The following DCDC1 variants were observed in gnomAD, a reference collection of about 807,000 sequenced individuals.
The protein encoded by DCDC1 is doublecortin domain containing 1, also known as doublecortin domain-containing protein 1.
Under a neutral mutation model 178.3 loss-of-function variants are expected in DCDC1, and 200 were observed. The ratio of observed to expected loss-of-function variants is 1.12; its 90% CI spans 1.00 to 1.26. The LOEUF (loss-of-function observed/expected upper bound fraction) is 1.26. Among genes scored for constraint, DCDC1 ranks in the 50% most tolerant of loss-of-function variants. The pLI, the probability that DCDC1 is intolerant of heterozygous loss-of-function variation, is 0.00. For synonymous variants in DCDC1, 690 were observed against 604.8 expected, an observed-to-expected ratio of 1.14 and a Z score of -2.07; for missense variants, 1,983 against 1,749.2, an observed-to-expected ratio of 1.13 and a Z score of -2.38.
chr11:31,241,645 C>A (rs950020520), intron 8 of DCDC1, 29 bp from the exon 9 acceptor site: 10 of 396,324 alleles, frequency 2.5e-5, no homozygotes, highest in African/African-American at 1.4e-4. Context: ...GAAAAAAATT[C>A]TTTTGACCCA....
rs745791630 is a variant in DCDC1, at chr11:31,094,143, T to C, written c.2025A>G (p.Gly675=). ...CTTCACTGCCTGAGAAACTCCACTT[T>C]CCAATGGAAACAGAGGCATGAAGGA... is the stretch of plus-strand genomic sequence containing the variant. The part of the protein sequence containing the change: ...NIVLHASVSI[G]KWSFSGSEAS... Residue 675 remains glycine, a synonymous_variant, in exon 16 of 39, where the codon GGA becomes GGG. Coordinates refer to ENST00000684477, the MANE Select transcript of DCDC1 (RefSeq NM_001387274.1). 9.1e-6 allele frequency: 7 copies of C among 766,082 alleles called. No homozygotes were observed. Among genetic ancestry groups the C allele is most frequent in the African/African-American group, 1.7e-5 (1 of 59,080 alleles). 47.5% of individuals were successfully genotyped at this position (766,082 alleles called of 1,614,324 possible).
chr11:30,942,069 C>A (rs1162298483), intron 21 of DCDC1, among the ~76,000 whole-genome samples: 1 of 152,074 alleles, frequency 6.6e-6, no homozygotes, highest in Non-Finnish European at 1.5e-5. Flanking sequence ...AAACTTTCAC[C>A]AGTACAGAAA....
intron 9 of DCDC1, among the ~76,000 whole-genome samples, chr11:31,240,330 T>C (rs1976960445): frequency 3.3e-5 from 5 of 152,074 alleles, no homozygotes; most frequent in Admixed American, 2.6e-4. Flanking sequence ...TTATGAATAG[T>C]CTTATCTATG....
chr11:31,262,499 T>C (rs1187394242), intron 8 of DCDC1: 2 of 152,154 alleles, frequency 1.3e-5, no homozygotes, highest in Non-Finnish European at 2.9e-5. Context: ...TTGCTTTTAG[T>C]CCTTGGTACA....
intron 1 of DCDC1, among the ~76,000 whole-genome samples, chr11:31,350,292 T>C (rs988282412): frequency 1.3e-5 from 2 of 152,136 alleles, no homozygotes; most frequent in Non-Finnish European, 2.9e-5. Context: ...TTTTTAAAAA[T>C]TATATCAATA....
At chr11:30,954,479 A>G (rs1249007011) in intron 20 of DCDC1, among the ~76,000 whole-genome samples, 4 of 152,212 alleles carry the variant, frequency 2.6e-5, no homozygotes, top group African/African-American at 9.6e-5. Context: ...ACAGAAAACT[A>G]GTTAATTCAT....
rs1174624701 is a variant in DCDC1 at position 31,294,831 on chromosome 11, AAAGAAAGAAAGAAAGAAAG to A, written c.755-3998_755-3980del. 8.1e-5 allele frequency among the ~76,000 whole-genome samples: 12 copies of A among 147,656 alleles called. No individual in the cohort carries two copies. The South Asian group carries it at 2.3e-3, about 29-fold the overall frequency. ...GAAAGAAAGAAAGAAAGAAAGAAAGAAAGAAAGAAAGAAAGAAAGAAAGAAAGAAAGAAAGAAAAAGAAA... is the reference window on the plus strand; with the variant it reads ...GAAAGAAAGAAAGAAAGAAAGAAAGAAAAGAAAGAAAGAAAGAAAAAGAAA... On this transcript the variant is annotated intron_variant, in intron 6 of 38. Coordinates refer to ENST00000684477, the MANE Select transcript of DCDC1 (RefSeq NM_001387274.1).
intron 38 of DCDC1, among the ~76,000 whole-genome samples, chr11:30,866,037 G>A (rs1469400396): frequency 6.6e-6 from 1 of 152,032 alleles, no homozygotes; most frequent in Non-Finnish European, 1.5e-5. Context: ...GATGTAATTA[G>A]GTAAGATGAA....
chr11:31,340,336 G>C (rs1354367299), intron 1 of DCDC1, among the ~76,000 whole-genome samples: 1 of 152,160 alleles, frequency 6.6e-6, no homozygotes, highest in Non-Finnish European at 1.5e-5. Context: ...GTGGTTCTGA[G>C]AGAGAGGAGG....
chr11:31,122,598 A>T (rs2135899373), intron 11 of DCDC1, among the ~76,000 whole-genome samples: 1 of 152,240 alleles, frequency 6.6e-6, no homozygotes, highest in African/African-American at 2.4e-5. Flanking sequence ...CACTCTCAAG[A>T]GTGGTTTCAC....
At chr11:30,902,785 C>T (rs1944784606) in intron 32 of DCDC1, among the ~76,000 whole-genome samples, 1 of 152,098 alleles carries the variant, frequency 6.6e-6, no homozygotes, top group Non-Finnish European at 1.5e-5. Flanking sequence ...CTCAGTACAA[C>T]CATGGAAATC....
chr11:30,911,340 G>A lies in DCDC1; in HGVS notation c.3734C>T (p.Pro1245Leu), dbSNP rs1222859495. 6.2e-7 allele frequency: 1 copy of A among 1,602,846 alleles called. No individual in the cohort carries two copies. The highest frequency in any genetic ancestry group is 1.1e-5 in the South Asian group (1 of 88,392). Residue 1245 changes from proline (P) to leucine (L), a missense_variant, in exon 28 of 39, where the codon CCA becomes CTA. Coordinates refer to ENST00000684477, the MANE Select transcript of DCDC1 (RefSeq NM_001387274.1). ...TACATATCTTACCTGAACAATAACT[G>A]GATAGCCACAAACTTCATTTCTAGT... ...TKTRNEVCGY[P>L]VIVQKYKPYN...
At chr11:31,021,926 A>T (rs2135208586) in intron 20 of DCDC1, among the ~76,000 whole-genome samples, 1 of 152,254 alleles carries the variant, frequency 6.6e-6, no homozygotes, top group Non-Finnish European at 1.5e-5. Flanking sequence ...CAAAGGCCTT[A>T]CAACAGCAGG....
intron 9 of DCDC1, among the ~76,000 whole-genome samples, chr11:31,153,287 C>A (rs1027618494): frequency 1.3e-5 from 2 of 152,168 alleles, no homozygotes; most frequent in African/African-American, 4.8e-5. Flanking sequence ...TGCCCTTACG[C>A]TATGTCATAG....
chr11:31,048,377 C>T (rs1277885474), intron 20 of DCDC1, among the ~76,000 whole-genome samples: 1 of 152,108 alleles, frequency 6.6e-6, no homozygotes. Context: ...AATCCTGATA[C>T]GAAATTCACC....
intron 21 of DCDC1, among the ~76,000 whole-genome samples, chr11:30,951,645 G>T (rs971975849): frequency 1.3e-5 from 2 of 152,030 alleles, no homozygotes; most frequent in African/African-American, 4.8e-5. Context: ...TGGATTATTT[G>T]ACAGAAGAAA....
At chr11:30,944,959 CTTTTTT>C (rs34334567) in intron 21 of DCDC1, among the ~76,000 whole-genome samples, 2 of 65,518 alleles carry the variant, frequency 3.1e-5, no homozygotes, top group African/African-American at 6.3e-5. Context: ...ACAAAAATGT[CTTTTTT>C]TTTTTTTTTT....
At chr11:31,043,244 C>A (rs1053943577) in intron 20 of DCDC1, among the ~76,000 whole-genome samples, 3 of 152,124 alleles carry the variant, frequency 2.0e-5, no homozygotes, top group Non-Finnish European at 4.4e-5. Flanking sequence ...AATTGAGAGA[C>A]TTTTGCTGAT....
Position 30,909,099 on chromosome 11 carries a change from G to T in DCDC1, c.3765C>A (p.Asn1255Lys), listed in dbSNP as rs772261533. The T allele has an allele frequency of 1.1e-5, 18 of 1,609,494 alleles. No individual in the cohort carries two copies. The South Asian group carries it at 1.2e-4, about 11-fold the overall frequency. Residue 1255 changes from asparagine to lysine, a missense_variant, in exon 29 of 39, where the codon AAC (asparagine) becomes AAA (lysine). Transcript: ENST00000684477. Reference sequence around the variant, plus strand: ...GCCACTTTTGATTGGCAGCTCCATTGTTGTACGGCTTATATTTCTGAAAAA... The same window carrying T: ...GCCACTTTTGATTGGCAGCTCCATTTTTGTACGGCTTATATTTCTGAAAAA... ...PVIVQKYKPY[N>K]NGAANQKWHY...
Sources: gnomAD v4.1 joint callset for allele counts (sites outside exome capture counted in the v4.1 genomes callset) on GRCh38, gnomAD v4.1.1 for gene constraint, MANE v1.5 for transcripts, NCBI Gene and HGNC (gene_info 2026-07-23, HGNC 2026-07-21) for gene names.